Variants in SUGCT observed in about 807,000 individuals in gnomAD.
The protein encoded by SUGCT is succinyl-CoA:glutarate CoA-transferase.
SUGCT carries 41 observed loss-of-function variants against 55.0 expected under a neutral mutation model. The observed-to-expected ratio is 0.74, with a 90% CI of 0.58 to 0.97. The LOEUF is 0.97. Ranked by LOEUF, SUGCT falls within the 50% of genes least tolerant of loss-of-function variation. The probability of loss-of-function intolerance (pLI) is 0.00; values close to 1 mark genes in which losing one functional copy is unlikely to be tolerated. For missense variants in SUGCT, 568 were observed against 547.8 expected, an observed-to-expected ratio of 1.04 and a Z score of -0.37; for synonymous variants, 187 against 200.4, an observed-to-expected ratio of 0.93 and a Z score of 0.56.
intron 13 of SUGCT, among the ~76,000 whole-genome samples, chr7:40,850,593 G>T (rs1267136939): frequency 6.6e-6 from 1 of 152,014 alleles, no homozygotes. Flanking sequence ...AACCTCCCGT[G>T]CCTCTTTTTT....
intron 3 of SUGCT, among the ~76,000 whole-genome samples, chr7:40,183,195 C>G (rs1391936291): frequency 6.6e-6 from 1 of 152,142 alleles, no homozygotes; most frequent in East Asian, 1.9e-4. Flanking sequence ...ATCTCTTAAA[C>G]TTGGGAGGTG....
chr7:40,330,718 G>C (rs143659308), intron 9 of SUGCT, among the ~76,000 whole-genome samples: 3 of 151,994 alleles, frequency 2.0e-5, no homozygotes, highest in African/African-American at 7.3e-5. Flanking sequence ...CACTAAATGC[G>C]TGGCAAATAC....
At chr7:40,235,115 CT>C (rs1178411980) in intron 6 of SUGCT, among the ~76,000 whole-genome samples, 4 of 151,616 alleles carry the variant, frequency 2.6e-5, no homozygotes, top group East Asian at 1.9e-4. Context: ...GTTTTAACAC[CT>C]TTTTTTAATC....
At chr7:40,445,186 TA>T (rs1226423152) in intron 9 of SUGCT, among the ~76,000 whole-genome samples, 2 of 151,850 alleles carry the variant, frequency 1.3e-5, no homozygotes, top group Non-Finnish European at 2.9e-5. Flanking sequence ...AAAAAACCCT[TA>T]AAAAAATCAA....
At chr7:40,320,625 C>G (rs934013499) in intron 9 of SUGCT, among the ~76,000 whole-genome samples, 12 of 152,110 alleles carry the variant, frequency 7.9e-5, no homozygotes, top group Non-Finnish European at 1.5e-4. Context: ...AAACTCTTGC[C>G]CAAATTTCTT....
chr7:40,915,074 C>CCTTCTT, the SUGCT span, among the ~76,000 whole-genome samples: 1 of 152,156 alleles, frequency 6.6e-6, no homozygotes, highest in Non-Finnish European at 1.5e-5. Flanking sequence ...GAATGTGGGG[C>CCTTCTT]TAACTTCTTT....
At chr7:40,714,849 A>G (rs1317051252) in intron 12 of SUGCT, among the ~76,000 whole-genome samples, 3 of 152,238 alleles carry the variant, frequency 2.0e-5, no homozygotes, top group Non-Finnish European at 4.4e-5. Context: ...ATACTTGCAC[A>G]GTTCCTAGCC....
intron 12 of SUGCT, among the ~76,000 whole-genome samples, chr7:40,602,794 G>A (rs1798356517): frequency 6.6e-6 from 1 of 152,100 alleles, no homozygotes; most frequent in African/African-American, 2.4e-5. Context: ...CTAGGTGTAT[G>A]TACTATCTCT....
chr7:40,261,224 A>G (rs922931288), intron 7 of SUGCT, among the ~76,000 whole-genome samples: 4 of 152,234 alleles, frequency 2.6e-5, no homozygotes, highest in African/African-American at 9.6e-5. Context: ...TATTATTCAT[A>G]GAACAATGAA....
Position 40,506,345 on chromosome 7 carries a change from T to C in SUGCT, c.1089+9959T>C, listed in dbSNP as rs544959740. 1.2e-4 allele frequency among the ~76,000 whole-genome samples: 19 copies of C among 152,270 alleles called. No individual in the cohort carries two copies. The East Asian group carries it at 3.5e-3, about 28-fold the overall frequency. On this transcript the variant is annotated intron_variant, in intron 12 of 13. Transcript: ENST00000335693. ...ACTGCCTTCTGACTTCCATTGTGTTTGATAATAAGTAATGTGGTAATCTTA... is the reference window on the plus strand; with the variant it reads ...ACTGCCTTCTGACTTCCATTGTGTTCGATAATAAGTAATGTGGTAATCTTA...
intron 9 of SUGCT, among the ~76,000 whole-genome samples, chr7:40,361,343 G>A (rs1165745050): frequency 6.6e-6 from 1 of 152,118 alleles, no homozygotes; most frequent in African/African-American, 2.4e-5. Flanking sequence ...GGGAGGCTGA[G>A]GTGGGTGGAT....
At chr7:40,896,825 C>G in the SUGCT span, among the ~76,000 whole-genome samples, 2 of 152,142 alleles carry the variant, frequency 1.3e-5, no homozygotes, top group Non-Finnish European at 2.9e-5. Context: ...ATGAAAATTC[C>G]AATGTCATTT....
chr7:40,823,646 A>G (rs747572465), intron 13 of SUGCT, among the ~76,000 whole-genome samples: 10 of 152,140 alleles, frequency 6.6e-5, no homozygotes, highest in Non-Finnish European at 1.5e-4. Context: ...TGAGTAGAAA[A>G]TGGACCTCTT....
chr7:40,733,554 T>C (rs1434366211), intron 12 of SUGCT, among the ~76,000 whole-genome samples: 1 of 152,214 alleles, frequency 6.6e-6, no homozygotes, highest in Non-Finnish European at 1.5e-5. Flanking sequence ...TTTTAAGTCT[T>C]AGAAACGTGT....
At chr7:40,344,027 G>A (rs1247862332) in intron 9 of SUGCT, among the ~76,000 whole-genome samples, 1 of 152,138 alleles carries the variant, frequency 6.6e-6, no homozygotes, top group Non-Finnish European at 1.5e-5. Context: ...TTGCGTATTG[G>A]ATATTCAACA....
At chr7:40,231,316 G>A (rs1020771792) in intron 6 of SUGCT, among the ~76,000 whole-genome samples, 2 of 152,158 alleles carry the variant, frequency 1.3e-5, no homozygotes, top group African/African-American at 2.4e-5. Context: ...ACTGGTAGAC[G>A]TAATTCTAGG....
At chr7:40,821,841 C>T (rs894062457) in intron 13 of SUGCT, among the ~76,000 whole-genome samples, 4 of 152,092 alleles carry the variant, frequency 2.6e-5, no homozygotes, top group African/African-American at 9.7e-5. Context: ...TTCTCTAGTT[C>T]TTTTGATGTG....
At position 40,381,757 on chromosome 7, in the gene SUGCT, C is replaced by A. The variant is rs73322480; in HGVS notation, c.816+64902C>A. Among the ~76,000 whole-genome samples, 433 of 152,174 alleles carry A rather than the reference C, an allele frequency of 2.8e-3. 1 individual carries two copies. The highest frequency in any genetic ancestry group is 9.7e-3 in the African/African-American group (401 of 41,528). On this transcript the variant is annotated intron_variant, in intron 9 of 13. Transcript: ENST00000335693. ...CCAGAATCCTAGGCATTAAAAAAAT[C>A]ACAAACACACATCTACAAACCCCAT...
intron 8 of SUGCT, among the ~76,000 whole-genome samples, chr7:40,278,316 A>T (rs1792678361): frequency 1.3e-5 from 2 of 152,152 alleles, no homozygotes; most frequent in African/African-American, 4.8e-5. Context: ...GAACACTTTT[A>T]CACTGTTGGT....
Sources: gnomAD v4.1 joint callset for allele counts (sites outside exome capture counted in the v4.1 genomes callset) on GRCh38, gnomAD v4.1.1 for gene constraint, MANE v1.5 for transcripts, NCBI Gene and HGNC (gene_info 2026-07-23, HGNC 2026-07-21) for gene names.